GBE1: variants seen among roughly 807,000 people sequenced by gnomAD.
The protein encoded by GBE1 is 1,4-alpha-glucan branching enzyme 1, also known as 1,4-alpha-glucan-branching enzyme.
A neutral mutation model predicts 88.8 loss-of-function variants in GBE1; 70 were observed. The ratio of observed to expected loss-of-function variants is 0.79; its 90% CI spans 0.65 to 0.96. The LOEUF is 0.96. Among genes scored for constraint, GBE1 ranks in the 40% least tolerant of loss-of-function variants. The pLI, the probability that GBE1 is intolerant of heterozygous loss-of-function variation, is 0.00. For missense variants in GBE1, 872 were observed against 871.0 expected, an observed-to-expected ratio of 1.00 and a Z score of -0.01; for synonymous variants, 284 against 300.1, an observed-to-expected ratio of 0.95 and a Z score of 0.56.
intron 1 of GBE1, among the ~76,000 whole-genome samples, chr3:81,731,460 C>T (rs1180592437): frequency 1.3e-5 from 2 of 152,124 alleles, no homozygotes; most frequent in South Asian, 2.1e-4. Flanking sequence ...CATATCTTTA[C>T]AAATACTCAC....
chr3:81,680,919 C>T (rs988573218), intron 2 of GBE1, among the ~76,000 whole-genome samples: 3 of 152,256 alleles, frequency 2.0e-5, no homozygotes, highest in African/African-American at 7.2e-5. Context: ...GGCTTCCAGC[C>T]TCCAGAACTG....
chr3:81,497,897 C>T (rs1170794232), intron 15 of GBE1, among the ~76,000 whole-genome samples: 1 of 152,110 alleles, frequency 6.6e-6, no homozygotes, highest in Non-Finnish European at 1.5e-5. Flanking sequence ...ACTTATTTTA[C>T]GTGTCAAAAT....
chr3:81,685,642 A>T (rs1313504395), intron 2 of GBE1, among the ~76,000 whole-genome samples: 1 of 152,208 alleles, frequency 6.6e-6, no homozygotes, highest in Admixed American at 6.5e-5. Flanking sequence ...TCGGCCTCCC[A>T]AAGTGCTGGT....
At chr3:81,664,704 T>C (rs189002608) in intron 3 of GBE1, among the ~76,000 whole-genome samples, 62 of 152,326 alleles carry the variant, frequency 4.1e-4, no homozygotes, top group African/African-American at 1.4e-3. Flanking sequence ...TCTATTCACA[T>C]GAACAGATAT....
chr3:81,730,350 G>A (rs754948620), intron 1 of GBE1, among the ~76,000 whole-genome samples: 5 of 152,132 alleles, frequency 3.3e-5, no homozygotes, highest in Admixed American at 2.6e-4. Context: ...TCTCCCCATA[G>A]GCAGAATGTG....
Position 81,499,214 on chromosome 3 carries a change from G to A in GBE1, c.1948C>T (p.Leu650=). The A allele has an allele frequency of 1.2e-6, 2 of 1,602,432 alleles. No homozygotes were observed. Among genetic ancestry groups the A allele is most frequent in the Non-Finnish European group, 1.7e-6 (2 of 1,171,118 alleles). The change falls in exon 15 of 16, where the codon CTA becomes TTA. Residue 650 remains leucine (L), a synonymous_variant. Coordinates refer to ENST00000429644, the MANE Select transcript of GBE1 (RefSeq NM_000158.4). The stretch of plus-strand genomic sequence containing the variant: ...CCATATTCCGCTGCATCTGAATCTA[G>A]CACAATTTTGAATGTACAGCTCTTA... ...TALPGKFKIV[L]DSDAAEYGGH...
Position 81,761,624 on chromosome 3 carries a change from CT to C in GBE1, c.-108del, listed in dbSNP as rs991455631. On this transcript the variant is annotated 5_prime_UTR_variant, in exon 1 of 16. Coordinates refer to ENST00000429644, the MANE Select transcript of GBE1 (RefSeq NM_000158.4). ...CGGCTAGGGCGGAGCCGGAGGGCGC[CT>C]AGGCGTGTCGAGGCAAGCCGAGGCG... 7.1e-7 allele frequency: 1 copy of C among 1,402,516 alleles called. No individual in the cohort carries two copies. Among genetic ancestry groups the C allele is most frequent in the African/African-American group, 1.5e-5 (1 of 68,224 alleles). The allele number at this position is 1,402,516 out of a possible 1,614,324, so 86.9% of individuals were successfully genotyped here.
chr3:81,531,804 G>A (rs1171485369), intron 14 of GBE1, among the ~76,000 whole-genome samples: 1 of 152,082 alleles, frequency 6.6e-6, no homozygotes, highest in Non-Finnish European at 1.5e-5. Context: ...AGGAACTGCA[G>A]TCCTTGTGGT....
intron 7 of GBE1, among the ~76,000 whole-genome samples, chr3:81,624,701 A>G (rs1704387050): frequency 6.6e-6 from 1 of 152,172 alleles, no homozygotes; most frequent in Non-Finnish European, 1.5e-5. Flanking sequence ...ATAACCTAGT[A>G]GATATTTATT....
At chr3:81,671,281 C>G (rs909669216) in intron 2 of GBE1, among the ~76,000 whole-genome samples, 1 of 151,872 alleles carries the variant, frequency 6.6e-6, no homozygotes, top group Non-Finnish European at 1.5e-5. Context: ...AAAACACCAT[C>G]AACAAAGAGA....
chr3:81,670,748 G>T, intron 3 of GBE1, 90 bp downstream of exon 3: 1 of 685,794 alleles, frequency 1.5e-6, no homozygotes, highest in Non-Finnish European at 2.4e-6. Context: ...TCATGCATCA[G>T]TTGTACATTC....
Position 81,553,514 on chromosome 3 carries a change from G to T in GBE1, c.1619-16419C>A, listed in dbSNP as rs564859770. ...CTCAAAGATTTATTAAATAAATGTT[G>T]AAAGAAAAAAAATAAAGTCAATGAT... On this transcript the variant is annotated intron_variant, in intron 12 of 15. Coordinates refer to ENST00000429644, the MANE Select transcript of GBE1 (RefSeq NM_000158.4). Among the ~76,000 whole-genome samples the T allele has an allele frequency of 1.2e-4, 18 of 148,380 alleles. No homozygotes were observed. The East Asian group carries it at 2.9e-3, about 24-fold the overall frequency.
At chr3:81,522,419 G>A (rs1702887234) in intron 14 of GBE1, among the ~76,000 whole-genome samples, 2 of 151,420 alleles carry the variant, frequency 1.3e-5, no homozygotes, top group Admixed American at 6.6e-5. Flanking sequence ...GTGGAGCAGA[G>A]TACCTCACAA....
At chr3:81,687,374 T>C (rs1705456539) in intron 2 of GBE1, among the ~76,000 whole-genome samples, 1 of 152,172 alleles carries the variant, frequency 6.6e-6, no homozygotes, top group East Asian at 1.9e-4. Flanking sequence ...GTGACAGCAA[T>C]TTCTTCTACC....
At chr3:81,593,087 G>C (rs1703903075) in intron 8 of GBE1, among the ~76,000 whole-genome samples, 1 of 151,934 alleles carries the variant, frequency 6.6e-6, no homozygotes, top group Non-Finnish European at 1.5e-5. Flanking sequence ...AATTGGCTGG[G>C]TGTGGTGGCT....
intron 7 of GBE1, among the ~76,000 whole-genome samples, chr3:81,613,503 G>A (rs1197636410): frequency 6.6e-6 from 1 of 151,750 alleles, no homozygotes; most frequent in Non-Finnish European, 1.5e-5. Flanking sequence ...TGGACAGTTA[G>A]CATATACCAA....
At chr3:81,692,925 C>T (rs999834162) in intron 2 of GBE1, among the ~76,000 whole-genome samples, 5 of 152,136 alleles carry the variant, frequency 3.3e-5, no homozygotes, top group Non-Finnish European at 5.9e-5. Flanking sequence ...CCATTCCTCT[C>T]GGCTCTGACT....
At chr3:81,667,518 T>G (rs1428814168) in intron 3 of GBE1, among the ~76,000 whole-genome samples, 1 of 152,180 alleles carries the variant, frequency 6.6e-6, no homozygotes, top group Non-Finnish European at 1.5e-5. Context: ...ATCCTTGTCT[T>G]GTATCAGTTT....
intron 2 of GBE1, among the ~76,000 whole-genome samples, chr3:81,697,402 C>T (rs979105274): frequency 1.3e-5 from 2 of 151,334 alleles, no homozygotes; most frequent in Middle Eastern, 3.4e-3. Flanking sequence ...CAGGTTCAAG[C>T]GATTCTCCTG....
Sources: allele counts gnomAD v4.1 joint callset (sites outside exome capture counted in the v4.1 genomes callset), GRCh38; gene constraint gnomAD v4.1.1; transcripts MANE v1.5; gene names NCBI Gene and HGNC (gene_info 2026-07-23, HGNC 2026-07-21).